Variants in SBF2 observed in about 807,000 individuals in gnomAD.
The protein encoded by SBF2 is SET binding factor 2.
SBF2 carries 112 observed loss-of-function variants against 225.2 expected under a neutral mutation model. The ratio of observed to expected loss-of-function variants is 0.50; its 90% CI spans 0.43 to 0.58. The LOEUF is 0.58. SBF2 is among the 20% of genes least tolerant of loss of function. SBF2 has a pLI of 0.00. For missense variants in SBF2, 1,996 were observed against 2,206.2 expected (o/e 0.90, Z 1.91); for synonymous variants, 763 against 773.3 (o/e 0.99, Z 0.22).
chr11:10,194,239 T>C (rs1957284273), intron 1 of SBF2, among the ~76,000 whole-genome samples: 1 of 152,082 alleles, frequency 6.6e-6, no homozygotes, highest in South Asian at 2.1e-4. Context: ...AAAAAAACAA[T>C]AAAATTAACA....
intron 1 of SBF2, among the ~76,000 whole-genome samples, chr11:10,211,466 A>G (rs61892596): frequency 0.11 from 16,283 of 152,202 alleles, 1,020 homozygotes; most frequent in Non-Finnish European, 0.11. Context: ...ACATCCCAAT[A>G]TATCCCAAAA....
chr11:10,013,586 CT>C (rs774184383), intron 6 of SBF2, among the ~76,000 whole-genome samples: 19 of 152,188 alleles, frequency 1.2e-4, no homozygotes, highest in Non-Finnish European at 1.8e-4. Context: ...TTTGTACTGT[CT>C]TTGGTGATGT....
intron 24 of SBF2, among the ~76,000 whole-genome samples, chr11:9,843,080 C>T (rs1353466864): frequency 6.6e-6 from 1 of 152,204 alleles, no homozygotes. Flanking sequence ...GCCCTGAACC[C>T]ACTCTGGTTA....
intron 1 of SBF2, among the ~76,000 whole-genome samples, chr11:10,284,899 C>T (rs1026896142): frequency 6.6e-6 from 1 of 150,928 alleles, no homozygotes; most frequent in South Asian, 2.1e-4. Context: ...AGGTGTGAGC[C>T]AACTGCACCC....
chr11:10,299,809 AATCT>A lies in SBF2; in HGVS notation n.386+4679_386+4682del, dbSNP rs1964578455. Among the ~76,000 whole-genome samples the A allele has an allele frequency of 2.0e-5, 3 of 152,186 alleles. No homozygotes were observed. In the South Asian group the frequency reaches 6.2e-4, roughly 32 times the overall value. On this transcript the variant is annotated intron_variant and non_coding_transcript_variant, in intron 1 of 5. Transcript: ENST00000685217. Reference sequence around the variant, plus strand: ...GCTGCTTCCTTTCTTGCACCTTTCTAATCTATCTACCACATTCCATAGCCAAAAC... The same window carrying A: ...GCTGCTTCCTTTCTTGCACCTTTCTAATCTACCACATTCCATAGCCAAAAC...
chr11:9,866,238 T>C lies in SBF2; in HGVS notation c.1930-7842A>G, dbSNP rs2048578. On this transcript the variant is annotated intron_variant, in intron 17 of 39. Transcript: ENST00000256190. ...TAGCCTTAAACAATCTTAAAATTCA[T>C]ATGGAAACACATAAGACCCTGAATA... Among the ~76,000 whole-genome samples, 55 of 152,170 alleles carry C rather than the reference T, an allele frequency of 3.6e-4. 2 individuals are homozygous for C. The highest frequency in any genetic ancestry group is 2.1e-3 in the Admixed American group (32 of 15,272).
At chr11:9,959,502 C>A (rs1866418486) in intron 16 of SBF2, 1 of 822,620 alleles carries the variant, frequency 1.2e-6, no homozygotes, top group African/African-American at 1.7e-5. Context: ...TTCGATTGCA[C>A]TTGAAAACTT....
chr11:9,865,243 T>C (rs1264090177), intron 17 of SBF2, among the ~76,000 whole-genome samples: 1 of 152,152 alleles, frequency 6.6e-6, no homozygotes, highest in Non-Finnish European at 1.5e-5. Context: ...ACTAGAAATA[T>C]CTCTGTAAAA....
chr11:10,110,995 C>T lies in SBF2; in HGVS notation c.142-68014G>A, dbSNP rs2044145. On this transcript the variant is annotated intron_variant, in intron 2 of 39. Transcript: ENST00000256190. The stretch of plus-strand genomic sequence containing the variant: ...TTACAGCAGTACAGATATACACATA[C>T]GACCACATTAAACTGAAACAGTAGC... Among the ~76,000 whole-genome samples, 1,245 of 152,150 alleles carry T rather than the reference C, an allele frequency of 8.2e-3. 15 individuals are homozygous for T. The highest frequency in any genetic ancestry group is 0.026 in the African/African-American group (1,096 of 41,524).
intron 6 of SBF2, among the ~76,000 whole-genome samples, chr11:10,025,334 C>A (rs1949011265): frequency 6.6e-6 from 1 of 152,158 alleles, no homozygotes; most frequent in Non-Finnish European, 1.5e-5. Flanking sequence ...TACCCACTCC[C>A]AGGCTGTGGC....
chr11:10,279,106 TA>T lies in SBF2; in HGVS notation c.55+14908del, dbSNP rs58093618. Among the ~76,000 whole-genome samples, 58 of 56,126 alleles carry T rather than the reference TA, an allele frequency of 1.0e-3. No individual in the cohort carries two copies. In the East Asian group the frequency reaches 0.012, roughly 11 times the overall value. 36.8% of individuals were successfully genotyped at this position (56,126 alleles called of 152,430 possible). A position where few individuals can be genotyped will look rare whatever the true frequency, so the allele number is the denominator to read the frequency against. The stretch of plus-strand genomic sequence containing the variant: ...AACAGAACAAGACCCGGTCTTGTAT[TA>T]AAAAAAAAAAAAAAAAAAAAAAAGC... On this transcript the variant is annotated intron_variant, in intron 1 of 39. Transcript: ENST00000256190.
At chr11:10,254,573 T>C (rs1960684549) in intron 1 of SBF2, among the ~76,000 whole-genome samples, 1 of 150,722 alleles carries the variant, frequency 6.6e-6, no homozygotes, top group African/African-American at 2.4e-5. Flanking sequence ...AAAGAAAATG[T>C]GGTATACATA....
intron 1 of SBF2, among the ~76,000 whole-genome samples, chr11:10,247,888 C>CA (rs1176891128): frequency 1.3e-5 from 2 of 152,028 alleles, no homozygotes; most frequent in African/African-American, 4.8e-5. Context: ...TCATATTGTT[C>CA]AAAGAGGCAC....
chr11:10,014,586 G>A (rs1462455864), intron 6 of SBF2, among the ~76,000 whole-genome samples: 1 of 149,638 alleles, frequency 6.7e-6, no homozygotes, highest in East Asian at 2.0e-4. Context: ...CCAAAGCTGA[G>A]TTTGTACAGT....
chr11:9,827,073 G>T (rs1182936408), intron 28 of SBF2, among the ~76,000 whole-genome samples: 1 of 152,114 alleles, frequency 6.6e-6, no homozygotes, highest in African/African-American at 2.4e-5. Flanking sequence ...CCTGACCTCA[G>T]GTGATCTGCT....
intron 16 of SBF2, among the ~76,000 whole-genome samples, chr11:9,922,695 C>T (rs952450857): frequency 6.6e-6 from 1 of 152,162 alleles, no homozygotes; most frequent in Admixed American, 6.5e-5. Flanking sequence ...GAAACATACC[C>T]TTGTAACTGA....
chr11:10,226,443 T>A (rs1191016597), intron 1 of SBF2, among the ~76,000 whole-genome samples: 3 of 152,086 alleles, frequency 2.0e-5, no homozygotes, highest in Non-Finnish European at 4.4e-5. Context: ...ACTCGTCATT[T>A]AGCATTAGGT....
In SBF2 at chr11:10,042,973, C is replaced by A; in HGVS notation, c.150G>T (p.Gln50His). The A allele has an allele frequency of 6.2e-7, 1 of 1,613,386 alleles. No individual in the cohort carries two copies. The highest frequency in any genetic ancestry group is 8.5e-7 in the Non-Finnish European group (1 of 1,179,700). Residue 50 changes from glutamine to histidine, a missense_variant, in exon 3 of 40, where the codon CAG becomes CAT. By Grantham distance (24) the Gln-to-His change is conservative (BLOSUM62 0). Transcript: ENST00000256190. Reference protein sequence around the residue: ...PFPQGIELFCQPGGWQLSRER... With the variant: ...PFPQGIELFCHPGGWQLSRER... Reference sequence around the variant, plus strand: ...CTCTGGACAGCTGCCACCCGCCAGGCTGACAAAACTAAATGAAATAGAAAA... The same window carrying A: ...CTCTGGACAGCTGCCACCCGCCAGGATGACAAAACTAAATGAAATAGAAAA...
intron 17 of SBF2, among the ~76,000 whole-genome samples, chr11:9,864,949 G>T (rs577026606): frequency 1.8e-4 from 27 of 151,606 alleles, no homozygotes; most frequent in Non-Finnish European, 1.5e-4. Context: ...CTCACCTGCT[G>T]CCCAGGCTAC....
Sources: gnomAD v4.1 joint callset for allele counts (sites outside exome capture counted in the v4.1 genomes callset) on GRCh38, gnomAD v4.1.1 for gene constraint, MANE v1.5 for transcripts, NCBI Gene and HGNC (gene_info 2026-07-23, HGNC 2026-07-21) for gene names.